DYRK1A: variants seen among roughly 807,000 people sequenced by gnomAD.
DYRK1A encodes dual specificity tyrosine-phosphorylation-regulated kinase 1A.
Under a neutral mutation model 79.7 loss-of-function variants are expected in DYRK1A, and 9 were observed. The ratio of observed to expected loss-of-function variants is 0.11; its 90% CI spans 0.07 to 0.20. DYRK1A has a LOEUF of 0.20. Among genes scored for constraint, DYRK1A ranks in the 10% least tolerant of loss-of-function variants. The pLI is 1.00. For synonymous variants in DYRK1A, 349 were observed against 329.7 expected, an observed-to-expected ratio of 1.06 and a Z score of -0.63; for missense variants, 622 against 956.0, an observed-to-expected ratio of 0.65 and a Z score of 4.61.
At chr21:37,395,414 C>T (rs570749124) in intron 1 of DYRK1A, among the ~76,000 whole-genome samples, 1 of 152,062 alleles carries the variant, frequency 6.6e-6, no homozygotes, top group Non-Finnish European at 1.5e-5. Flanking sequence ...TCTGTGCTCC[C>T]GCTCCTCACC....
chr21:37,472,922 T>A, intron 3 of DYRK1A, 42 bp downstream of exon 3: 1 of 1,372,670 alleles, frequency 7.3e-7, no homozygotes, highest in Non-Finnish European at 9.6e-7. Flanking sequence ...GGAATGGCAG[T>A]TTATTCCTTA....
chr21:37,459,589 T>G lies in DYRK1A; in HGVS notation c.11-13095T>G, dbSNP rs186360092. On this transcript the variant is annotated intron_variant, in intron 2 of 11. Transcript: ENST00000647188. ...GGGCATGTTTTCAGTTTAGCCTGAT[T>G]AGTTACCTGCTGAATAAATAATGTT... Among the ~76,000 whole-genome samples the G allele has an allele frequency of 7.9e-4, 121 of 152,350 alleles. 2 individuals are homozygous for G. In the East Asian group the frequency reaches 8.3e-3, roughly 10 times the overall value.
chr21:37,473,366 A>G (rs1039510004), intron 3 of DYRK1A, among the ~76,000 whole-genome samples: 3 of 152,226 alleles, frequency 2.0e-5, no homozygotes, highest in African/African-American at 4.8e-5. Context: ...CAGACAGGCT[A>G]TTCACCATTT....
At chr21:37,420,418 G>C (rs1226967724) in intron 2 of DYRK1A, 34 bp downstream of exon 2, 1 of 1,608,292 alleles carries the variant, frequency 6.2e-7, no homozygotes, top group Non-Finnish European at 8.5e-7. Flanking sequence ...TAAAACTCTG[G>C]CTAAGAGAAT....
At chr21:37,456,594 C>G (rs2051645302) in intron 2 of DYRK1A, among the ~76,000 whole-genome samples, 1 of 152,050 alleles carries the variant, frequency 6.6e-6, no homozygotes, top group Non-Finnish European at 1.5e-5. Flanking sequence ...TGCAGGTGTT[C>G]AACAATCTTG....
intron 7 of DYRK1A, among the ~76,000 whole-genome samples, chr21:37,490,664 A>G (rs1228710414): frequency 1.3e-5 from 2 of 151,310 alleles, no homozygotes; most frequent in Non-Finnish European, 3.0e-5. Flanking sequence ...TTTAGAGGCA[A>G]TTACAGGATG....
intron 2 of DYRK1A, among the ~76,000 whole-genome samples, chr21:37,449,512 G>A (rs2051377071): frequency 6.6e-6 from 1 of 152,178 alleles, no homozygotes; most frequent in African/African-American, 2.4e-5. Flanking sequence ...CGTGGTAGTG[G>A]CACACATCAC....
At chr21:37,510,872 G>A (rs1033145704) in intron 11 of DYRK1A, among the ~76,000 whole-genome samples, 3 of 152,090 alleles carry the variant, frequency 2.0e-5, no homozygotes, top group African/African-American at 7.2e-5. Flanking sequence ...AAGTACAAGG[G>A]AGGCTGGGAA....
intron 1 of DYRK1A, among the ~76,000 whole-genome samples, chr21:37,389,901 A>C (rs2049837197): frequency 1.3e-5 from 2 of 148,462 alleles, no homozygotes; most frequent in South Asian, 4.3e-4. Flanking sequence ...CTTCTGTAGT[A>C]TTTACTTATG....
At position 37,490,326 on chromosome 21, in the gene DYRK1A, A is replaced by G. The variant is rs752384587; in HGVS notation, c.789A>G (p.Ala263=). The part of the protein sequence containing the change: ...TRKFAQQMCT[A]LLFLATPELS... ...AGTTTGCGCAACAGATGTGCACTGC[A>G]CTGCTTTTCCTTGCGACTCCAGAAC... The change falls in exon 7 of 12, where the codon GCA becomes GCG. Residue 263 remains alanine, a synonymous_variant. Coordinates refer to ENST00000647188, the MANE Select transcript of DYRK1A (RefSeq NM_001347721.2). 1 of 1,613,790 alleles carries G rather than the reference A, an allele frequency of 6.2e-7. No individual in the cohort carries two copies. The highest frequency in any genetic ancestry group is 1.7e-4 in the Middle Eastern group (1 of 6,060).
intron 2 of DYRK1A, 60 bp from the exon 3 acceptor site, chr21:37,472,624 C>G (rs2052262425): frequency 1.5e-6 from 2 of 1,372,292 alleles, no homozygotes; most frequent in African/African-American, 2.9e-5. Context: ...TTAGATATGT[C>G]AAATGATACA....
At chr21:37,432,092 G>A (rs974284448) in intron 2 of DYRK1A, among the ~76,000 whole-genome samples, 4 of 151,980 alleles carry the variant, frequency 2.6e-5, no homozygotes, top group Non-Finnish European at 4.4e-5. Context: ...CAACTTTTAT[G>A]TTTTCATGAT....
At position 37,512,596 on chromosome 21, in the gene DYRK1A, CA is replaced by C; in HGVS notation, c.*68del. ...AGAAGTGGTGTTTTTTTTCCAAAAA[CA>C]AAGTGCAAAGCTGCTTGAATCAGGA... On this transcript the variant is annotated 3_prime_UTR_variant, in exon 12 of 12. Coordinates refer to ENST00000647188, the MANE Select transcript of DYRK1A (RefSeq NM_001347721.2). The C allele has an allele frequency of 1.3e-6, 2 of 1,557,700 alleles. No individual in the cohort carries two copies. Among genetic ancestry groups the C allele is most frequent in the Non-Finnish European group, 1.7e-6 (2 of 1,147,568 alleles).
chr21:37,500,321 CACTTGGCCTTGATAT>C (rs2053404096), intron 9 of DYRK1A, among the ~76,000 whole-genome samples: 2 of 152,294 alleles, frequency 1.3e-5, no homozygotes, highest in East Asian at 3.9e-4. Flanking sequence ...TGATAACCTA[CACTTGGCCTTGATAT>C]ACTATTCCCT....
intron 3 of DYRK1A, 80 bp downstream of exon 3, chr21:37,472,960 A>G: frequency 1.8e-6 from 2 of 1,102,854 alleles, no homozygotes; most frequent in South Asian, 5.3e-5. Context: ...AGTAGGCAAA[A>G]TGCTTTAATG....
At position 37,520,740 on chromosome 21, in the gene DYRK1A, G is replaced by T. The variant is rs997159233; in HGVS notation, c.*8209G>T. ...GCTTTTGTGCTTCCCAGCAGCTCCAGGTCTTGTCCCTGGCCAGTCTGGGCA... is the reference window on the plus strand; with the variant it reads ...GCTTTTGTGCTTCCCAGCAGCTCCATGTCTTGTCCCTGGCCAGTCTGGGCA... On this transcript the variant is annotated 3_prime_UTR_variant, in exon 12 of 12. Coordinates refer to ENST00000647188, the MANE Select transcript of DYRK1A (RefSeq NM_001347721.2). The T allele has an allele frequency of 3.9e-5, 6 of 152,264 alleles. No homozygotes were observed. The highest frequency in any genetic ancestry group is 1.4e-4 in the African/African-American group (6 of 41,472). 9.4% of individuals were successfully genotyped at this position (152,264 alleles called of 1,614,324 possible). A position where few individuals can be genotyped will look rare whatever the true frequency, so the allele number is the denominator to read the frequency against.
chr21:37,403,616 CCA>C (rs1284840458), intron 1 of DYRK1A, among the ~76,000 whole-genome samples: 1 of 144,448 alleles, frequency 6.9e-6, no homozygotes, highest in Non-Finnish European at 1.5e-5. Context: ...CAGGTGTGCC[CCA>C]CTATGCTCAG....
intron 2 of DYRK1A, among the ~76,000 whole-genome samples, chr21:37,432,136 ATGACAGTAT>A (rs1489118231): frequency 6.6e-6 from 1 of 152,172 alleles, no homozygotes; most frequent in African/African-American, 2.4e-5. Context: ...TATTTAGTAT[ATGACAGTAT>A]ACTGTCATAT....
chr21:37,414,935 G>A (rs939255687), intron 1 of DYRK1A, among the ~76,000 whole-genome samples: 3 of 152,140 alleles, frequency 2.0e-5, no homozygotes, highest in Non-Finnish European at 4.4e-5. Context: ...CATATTTTGA[G>A]TTAGTAACAG....
Sources: allele counts gnomAD v4.1 joint callset (sites outside exome capture counted in the v4.1 genomes callset), GRCh38; gene constraint gnomAD v4.1.1; transcripts MANE v1.5; gene names NCBI Gene and HGNC (gene_info 2026-07-23, HGNC 2026-07-21).